Variants in NMBR observed in about 807,000 individuals in gnomAD.
NMBR encodes neuromedin B receptor.
NMBR carries 16 observed loss-of-function variants against 20.5 expected under a neutral mutation model. The ratio of observed to expected loss-of-function variants is 0.78; its 90% CI spans 0.53 to 1.19. The LOEUF (loss-of-function observed/expected upper bound fraction) is 1.19. NMBR is among the 50% of genes most tolerant of loss of function. The pLI is 0.00. For missense variants in NMBR, 582 were observed against 499.1 expected (o/e 1.17, Z -1.58); for synonymous variants, 212 against 196.6 (o/e 1.08, Z -0.65).
chr6:142,142,806 C>A (rs1225952551), intron 1 of NMBR, among the ~76,000 whole-genome samples: 1 of 151,984 alleles, frequency 6.6e-6, no homozygotes, highest in Admixed American at 6.6e-5. Flanking sequence ...ATTTATAGGC[C>A]AAGCACTGTG....
chr6:142,080,888 TA>T (rs1179909382), intron 2 of NMBR, among the ~76,000 whole-genome samples: 1 of 152,158 alleles, frequency 6.6e-6, no homozygotes. Flanking sequence ...TCCACGTATT[TA>T]AAAAGGAGAA....
At chr6:142,090,156 T>C (rs1030237815) in intron 1 of NMBR, among the ~76,000 whole-genome samples, 2 of 152,132 alleles carry the variant, frequency 1.3e-5, no homozygotes, top group Non-Finnish European at 2.9e-5. Context: ...CTGAGTCTAA[T>C]GTAAACTGAT....
At chr6:142,096,020 G>A (rs1777443385) in intron 1 of NMBR, among the ~76,000 whole-genome samples, 1 of 151,992 alleles carries the variant, frequency 6.6e-6, no homozygotes, top group African/African-American at 2.4e-5. Context: ...ATTTTTTATT[G>A]CATCTATTTG....
At chr6:142,130,465 A>G (rs1778119886) in intron 1 of NMBR, among the ~76,000 whole-genome samples, 1 of 152,162 alleles carries the variant, frequency 6.6e-6, no homozygotes, top group African/African-American at 2.4e-5. Flanking sequence ...AATTAGACAA[A>G]AGATTTCTAG....
intron 1 of NMBR, among the ~76,000 whole-genome samples, chr6:142,107,540 T>C (rs1777683195): frequency 6.6e-6 from 1 of 152,114 alleles, no homozygotes; most frequent in Non-Finnish European, 1.5e-5. Context: ...ACATCAGAGG[T>C]TGAACATTGT....
rs372303933 is a variant in NMBR, at chr6:142,113,242, A to G, written c.-663-23921T>C. On this transcript the variant is annotated intron_variant, in intron 1 of 3. Coordinates refer to ENST00000258042, the MANE Select transcript of NMBR (RefSeq NM_002511.4). ...TTGTTTTCTCATTCCTATAAAATAGACAAGCTATTTTATAGCCTAAAGTCA... is the reference window on the plus strand; with the variant it reads ...TTGTTTTCTCATTCCTATAAAATAGGCAAGCTATTTTATAGCCTAAAGTCA... Among the ~76,000 whole-genome samples the G allele has an allele frequency of 2.0e-5, 3 of 152,156 alleles. 1 individual carries two copies. In the East Asian group the frequency reaches 5.8e-4, roughly 29 times the overall value.
intron 1 of NMBR, among the ~76,000 whole-genome samples, chr6:142,090,941 T>G (rs1036717273): frequency 2.6e-5 from 4 of 152,144 alleles, no homozygotes; most frequent in Non-Finnish European, 5.9e-5. Context: ...AAAGCTGGAT[T>G]AATAAATATC....
chr6:142,120,772 T>A (rs1337080134), intron 1 of NMBR, among the ~76,000 whole-genome samples: 1 of 151,976 alleles, frequency 6.6e-6, no homozygotes, highest in East Asian at 1.9e-4. Flanking sequence ...ATCTACCTGA[T>A]TCCTGCAGAA....
At chr6:142,094,719 T>C (rs1009347042) in intron 1 of NMBR, among the ~76,000 whole-genome samples, 3 of 152,234 alleles carry the variant, frequency 2.0e-5, no homozygotes, top group African/African-American at 4.8e-5. Flanking sequence ...GGGGATGGCA[T>C]TGAATCTATA....
intron 1 of NMBR, among the ~76,000 whole-genome samples, chr6:142,123,508 CT>C (rs1777981041): frequency 6.6e-6 from 1 of 151,926 alleles, no homozygotes; most frequent in Non-Finnish European, 1.5e-5. Context: ...GGGTAAAATA[CT>C]GTCAAAAAGC....
chr6:142,089,845 T>C (rs560545608), intron 1 of NMBR, among the ~76,000 whole-genome samples: 1 of 152,212 alleles, frequency 6.6e-6, no homozygotes, highest in Non-Finnish European at 1.5e-5. Flanking sequence ...ATGAACATTC[T>C]TTTACATGTG....
At chr6:142,078,335 T>C (rs1034932134) in intron 3 of NMBR, among the ~76,000 whole-genome samples, 6 of 152,216 alleles carry the variant, frequency 3.9e-5, no homozygotes, top group Non-Finnish European at 7.3e-5. Flanking sequence ...TCAGGCCTTA[T>C]CACAGATCCA....
chr6:142,104,392 C>T (rs949194055), intron 1 of NMBR, among the ~76,000 whole-genome samples: 11 of 152,098 alleles, frequency 7.2e-5, no homozygotes, highest in African/African-American at 2.4e-4. Flanking sequence ...GTGGTTTCCA[C>T]GTAATTTAAC....
intron 2 of NMBR, among the ~76,000 whole-genome samples, chr6:142,079,945 G>T (rs1777059243): frequency 6.6e-6 from 1 of 152,120 alleles, no homozygotes; most frequent in African/African-American, 2.4e-5. Context: ...GTAAGGCAAT[G>T]ATGATGCAAA....
intron 1 of NMBR, among the ~76,000 whole-genome samples, chr6:142,095,532 A>C (rs1019767265): frequency 6.6e-6 from 1 of 152,102 alleles, no homozygotes; most frequent in African/African-American, 2.4e-5. Flanking sequence ...AAGCTTTTTG[A>C]TGTGCTGCTG....
chr6:142,090,689 C>G (rs1183602887), intron 1 of NMBR, among the ~76,000 whole-genome samples: 1 of 151,408 alleles, frequency 6.6e-6, no homozygotes, highest in Non-Finnish European at 1.5e-5. Context: ...AGAAATGTCT[C>G]TAGGAATTTT....
intron 1 of NMBR, among the ~76,000 whole-genome samples, chr6:142,102,234 C>CA (rs1217201389): frequency 6.6e-6 from 1 of 151,636 alleles, no homozygotes; most frequent in Admixed American, 6.6e-5. Context: ...TAAAAAAATA[C>CA]AAAAAATTAG....
At chr6:142,133,886 C>A (rs974957135) in intron 1 of NMBR, 6 of 701,548 alleles carry the variant, frequency 8.6e-6, no homozygotes, top group Admixed American at 8.0e-5. Context: ...ATTCCACACC[C>A]TTTTCTTTGG....
chr6:142,143,556 T>C (rs928060312), intron 1 of NMBR, among the ~76,000 whole-genome samples: 2 of 152,348 alleles, frequency 1.3e-5, no homozygotes, highest in African/African-American at 2.4e-5. Context: ...AGTGCTGGAA[T>C]TACAGGCGTG....
Sources: gnomAD v4.1 joint callset for allele counts (sites outside exome capture counted in the v4.1 genomes callset) on GRCh38, gnomAD v4.1.1 for gene constraint, MANE v1.5 for transcripts, NCBI Gene and HGNC (gene_info 2026-07-23, HGNC 2026-07-21) for gene names.